The following GTF2H5 variants were observed in gnomAD, a reference collection of about 807,000 sequenced individuals.
GTF2H5 encodes general transcription factor IIH subunit 5.
GTF2H5 carries 5 observed loss-of-function variants against 7.1 expected under a neutral mutation model. The ratio of observed to expected loss-of-function variants is 0.71; its 90% confidence interval spans 0.37 to 1.49. GTF2H5 has a LOEUF of 1.49. Among genes scored for constraint, GTF2H5 ranks in the 40% most tolerant of loss-of-function variants. The pLI is 0.03. For synonymous variants in GTF2H5, 30 were observed against 31.7 expected (o/e 0.95, Z 0.18); for missense variants, 80 against 83.0 (o/e 0.96, Z 0.14).
chr6:158,190,656 A>G, intron 2 of GTF2H5: 1 of 474,086 alleles, frequency 2.1e-6, no homozygotes, highest in Non-Finnish European at 4.2e-6. Flanking sequence ...ATCAGTTAAT[A>G]CCTGTGCTTG....
At chr6:158,171,188 T>C (rs924070745) in intron 2 of GTF2H5, among the ~76,000 whole-genome samples, 2 of 152,192 alleles carry the variant, frequency 1.3e-5, no homozygotes, top group Non-Finnish European at 2.9e-5. Flanking sequence ...AGAAATCTAA[T>C]GCAAGCCACA....
chr6:158,183,668 A>G (rs1056820416), intron 2 of GTF2H5, among the ~76,000 whole-genome samples: 1 of 152,214 alleles, frequency 6.6e-6, no homozygotes, highest in Admixed American at 6.5e-5. Context: ...ACGCTGCGCT[A>G]GCAGCAAGCA....
chr6:158,170,433 G>T, intron 1 of GTF2H5, 37 bp from the exon 2 acceptor site: 1 of 1,257,224 alleles, frequency 8.0e-7, no homozygotes, highest in South Asian at 1.2e-5. Flanking sequence ...GAAAGTTAAT[G>T]ATTTTTAATT....
At chr6:158,174,808 T>C (rs1292792172) in intron 2 of GTF2H5, among the ~76,000 whole-genome samples, 2 of 152,302 alleles carry the variant, frequency 1.3e-5, no homozygotes, top group East Asian at 1.9e-4. Flanking sequence ...TGGAGAAATA[T>C]GTATTATTAA....
At chr6:158,190,212 C>T (rs1358132839) in intron 2 of GTF2H5, among the ~76,000 whole-genome samples, 2 of 152,078 alleles carry the variant, frequency 1.3e-5, no homozygotes, top group African/African-American at 2.4e-5. Context: ...TAAAACCAAA[C>T]TTGATCTTAC....
rs576454655 is a variant in GTF2H5, at chr6:158,174,856, T to C, written c.35+4318T>C. 7.9e-4 allele frequency among the ~76,000 whole-genome samples: 120 copies of C among 152,228 alleles called. 1 individual carries two copies. The highest frequency in any genetic ancestry group is 1.2e-3 in the Non-Finnish European group (85 of 68,036). On this transcript the variant is annotated intron_variant, in intron 2 of 2. Transcript: ENST00000607778. ...CTTATGAGTTTGGCTTCTAAAGCTA[T>C]ATCGTTTATGAGAAGCGAAGTAAGA...
At chr6:158,178,536 C>G (rs34679201) in intron 2 of GTF2H5, among the ~76,000 whole-genome samples, 18,658 of 150,086 alleles carry the variant, frequency 0.12, 1,279 homozygotes, top group Middle Eastern at 0.17. Flanking sequence ...TTTTAATGAT[C>G]GCAATTCTAA....
chr6:158,169,301 A>T (rs1195445388), intron 1 of GTF2H5, among the ~76,000 whole-genome samples: 2 of 122,404 alleles, frequency 1.6e-5, no homozygotes, highest in Non-Finnish European at 3.2e-5. Context: ...TATTTTATAT[A>T]TAATATATAA....
chr6:158,172,719 T>G (rs552864590), intron 2 of GTF2H5, among the ~76,000 whole-genome samples: 19 of 152,322 alleles, frequency 1.2e-4, no homozygotes, highest in African/African-American at 4.6e-4. Flanking sequence ...TTACTCCCCT[T>G]GCTATTCTCT....
Position 158,192,078 on chromosome 6 carries a change from T to C in GTF2H5, c.137T>C (p.Ile46Thr), listed in dbSNP as rs1361729064. The change falls in exon 3 of 3, where the codon ATA becomes ACA. Residue 46 changes from isoleucine to threonine, a missense_variant. Ile to Thr is a moderately conservative substitution (Grantham distance 89). Coordinates refer to ENST00000607778, the MANE Select transcript of GTF2H5 (RefSeq NM_207118.3). Reference protein sequence around the residue: ...QDIDDTHVFVIAELVNVLQER... With the variant: ...QDIDDTHVFVTAELVNVLQER... ...ATTGATGACACTCACGTCTTTGTAA[T>C]AGCAGAATTGGTTAATGTCCTCCAG... 1.2e-6 allele frequency: 2 copies of C among 1,613,826 alleles called. No individual in the cohort carries two copies. The highest frequency in any genetic ancestry group is 1.7e-6 in the Non-Finnish European group (2 of 1,179,734).
At chr6:158,188,540 T>A (rs1776966182) in intron 2 of GTF2H5, among the ~76,000 whole-genome samples, 1 of 152,228 alleles carries the variant, frequency 6.6e-6, no homozygotes. Context: ...ATTTTATGTT[T>A]CCACCTGTGC....
At chr6:158,190,255 T>G (rs1777004496) in intron 2 of GTF2H5, among the ~76,000 whole-genome samples, 1 of 152,166 alleles carries the variant, frequency 6.6e-6, no homozygotes, top group Non-Finnish European at 1.5e-5. Context: ...TTTATCTCAG[T>G]AAAAATCTCC....
chr6:158,182,034 A>G (rs1786018062), intron 2 of GTF2H5, among the ~76,000 whole-genome samples: 1 of 152,106 alleles, frequency 6.6e-6, no homozygotes, highest in Non-Finnish European at 1.5e-5. Context: ...TTCCATGTTT[A>G]GTGTTTCCTT....
chr6:158,188,469 CT>C (rs1442186085), intron 2 of GTF2H5, among the ~76,000 whole-genome samples: 1 of 152,302 alleles, frequency 6.6e-6, no homozygotes, highest in East Asian at 1.9e-4. Flanking sequence ...GGGAAGCACC[CT>C]GTTTAACCTG....
chr6:158,185,161 T>TA (rs201082433), intron 2 of GTF2H5, among the ~76,000 whole-genome samples: 1 of 151,614 alleles, frequency 6.6e-6, no homozygotes, highest in African/African-American at 2.4e-5. Context: ...TTTTTTTTTT[T>TA]AATAATTAAA....
chr6:158,179,930 A>G (rs1188253638), intron 2 of GTF2H5, among the ~76,000 whole-genome samples: 1 of 152,110 alleles, frequency 6.6e-6, no homozygotes, highest in Admixed American at 6.6e-5. Flanking sequence ...TTCAAAGGGA[A>G]TGCTTCCAGT....
At position 158,175,038 on chromosome 6, in the gene GTF2H5, G is replaced by GTATATATA. The variant is rs1412446243; in HGVS notation, c.35+4501_35+4502insATATATAT. Among the ~76,000 whole-genome samples the GTATATATA allele has an allele frequency of 3.5e-3, 463 of 133,496 alleles. 3 individuals carry two copies. The highest frequency in any genetic ancestry group is 0.017 in the African/African-American group (445 of 26,604). The allele number at this position is 133,496 out of a possible 152,430, so 87.6% of individuals were successfully genotyped here. A position where few individuals can be genotyped will look rare whatever the true frequency, so the allele number is the denominator to read the frequency against. ...TGTGTGTGTGTGTGTGTGTGTGTGTGTGTGTGTATACACACACACACACAT... is the reference window on the plus strand; with the variant it reads ...TGTGTGTGTGTGTGTGTGTGTGTGTGTATATATATGTGTGTATACACACACACACACAT... On this transcript the variant is annotated intron_variant, in intron 2 of 2. Coordinates refer to ENST00000607778, the MANE Select transcript of GTF2H5 (RefSeq NM_207118.3).
rs1339096560 is a variant in GTF2H5, at chr6:158,193,391, G to C, written c.*1234G>C. 9 of 152,174 alleles carry C rather than the reference G, an allele frequency of 5.9e-5. No homozygotes were observed. 9.4% of individuals were successfully genotyped at this position (152,174 alleles called of 1,614,324 possible). The stretch of plus-strand genomic sequence containing the variant: ...GAGGGGCTTTGCTTCCCTTCCTGAA[G>C]ATCATGTCATTGGGGTGGGTTCCTG... On this transcript the variant is annotated 3_prime_UTR_variant, in exon 3 of 3. Transcript: ENST00000607778.
intron 2 of GTF2H5, chr6:158,190,931 C>T (rs1354859124): frequency 1.9e-6 from 1 of 517,096 alleles, no homozygotes; most frequent in Non-Finnish European, 3.9e-6. Flanking sequence ...TAAATCTGTA[C>T]TGCCCGAGAA....
Sources: gnomAD v4.1 joint callset for allele counts (sites outside exome capture counted in the v4.1 genomes callset) on GRCh38, gnomAD v4.1.1 for gene constraint, MANE v1.5 for transcripts, NCBI Gene and HGNC (gene_info 2026-07-23, HGNC 2026-07-21) for gene names.